The following MBNL1 variants were observed in gnomAD, a reference collection of about 807,000 sequenced individuals.
MBNL1 encodes the protein muscleblind like splicing regulator 1, also known as muscleblind-like protein 1.
In MBNL1, 8 loss-of-function variants were observed where a neutral mutation model predicts 42.2. That is an observed-to-expected ratio of 0.19 (90% confidence interval 0.11 to 0.34). MBNL1 has a LOEUF of 0.34. MBNL1 is among the 10% of genes least tolerant of loss of function. The pLI is 1.00. For synonymous variants in MBNL1, 169 were observed against 173.9 expected (o/e 0.97, Z 0.22); for missense variants, 309 against 495.3 (o/e 0.62, Z 3.57).
At chr3:152,452,544 G>T (rs1308545027) in intron 6 of MBNL1, among the ~76,000 whole-genome samples, 1 of 152,136 alleles carries the variant, frequency 6.6e-6, no homozygotes, top group Non-Finnish European at 1.5e-5. Flanking sequence ...CTTAAGACAG[G>T]TACTCCAGGG....
chr3:152,278,156 C>T (rs2046370644), intron 1 of MBNL1, among the ~76,000 whole-genome samples: 1 of 151,978 alleles, frequency 6.6e-6, no homozygotes, highest in Non-Finnish European at 1.5e-5. Flanking sequence ...TCTTTGCCTT[C>T]TTTATTATTC....
intron 2 of MBNL1, among the ~76,000 whole-genome samples, chr3:152,333,108 A>G (rs745704859): frequency 9.9e-5 from 15 of 152,156 alleles, no homozygotes; most frequent in Non-Finnish European, 2.1e-4. Context: ...CATGTAACTA[A>G]ATTAATTTGC....
intron 2 of MBNL1, among the ~76,000 whole-genome samples, chr3:152,389,098 T>A (rs1226591437): frequency 6.6e-6 from 1 of 152,144 alleles, no homozygotes; most frequent in African/African-American, 2.4e-5. Context: ...TGCATCTCTT[T>A]TTTTTTTGAG....
At chr3:152,318,419 GATT>G (rs1268280092) in intron 2 of MBNL1, among the ~76,000 whole-genome samples, 1 of 152,088 alleles carries the variant, frequency 6.6e-6, no homozygotes, top group East Asian at 1.9e-4. Flanking sequence ...GAATTTTGGA[GATT>G]ATATTTATTG....
intron 1 of MBNL1, among the ~76,000 whole-genome samples, chr3:152,292,105 G>T (rs2056326085): frequency 6.6e-6 from 1 of 152,180 alleles, no homozygotes; most frequent in South Asian, 2.1e-4. Context: ...CTTCTAAGAA[G>T]ATAACTTTGC....
intron 2 of MBNL1, among the ~76,000 whole-genome samples, chr3:152,394,875 C>A (rs773342989): frequency 1.3e-5 from 2 of 151,894 alleles, no homozygotes; most frequent in Non-Finnish European, 2.9e-5. Context: ...CTTTTTTTGT[C>A]CCGAGAGGGA....
At position 152,447,492 on chromosome 3, in the gene MBNL1, C is replaced by T. The variant is rs141697565; in HGVS notation, c.808-128C>T. 2.4e-3 allele frequency: 1,028 copies of T among 435,032 alleles called. 11 individuals are homozygous for T. Among genetic ancestry groups the T allele is most frequent in the African/African-American group, 0.02 (951 of 48,062 alleles). 26.9% of individuals were successfully genotyped at this position (435,032 alleles called of 1,614,324 possible). On this transcript the variant is annotated intron_variant, in intron 5 of 9. Transcript: ENST00000324210. ...ATTTTTTGTTCATTGGATTTTTTCC[C>T]TCGGGTAGTTAAGTGCTCTGCTGCT...
At chr3:152,245,212 T>A (rs1413758904) in intron 2 of MBNL1, among the ~76,000 whole-genome samples, 1 of 152,138 alleles carries the variant, frequency 6.6e-6, no homozygotes, top group Non-Finnish European at 1.5e-5. Flanking sequence ...AAACTTTTAT[T>A]CAAATTTGCA....
At chr3:152,325,022 T>C (rs1334769461) in intron 2 of MBNL1, among the ~76,000 whole-genome samples, 1 of 134,482 alleles carries the variant, frequency 7.4e-6, no homozygotes, top group Non-Finnish European at 1.5e-5. Flanking sequence ...CCACATCAAG[T>C]TATTAGCCAC....
chr3:152,342,266 C>A (rs1022940677), intron 2 of MBNL1, among the ~76,000 whole-genome samples: 6 of 152,098 alleles, frequency 3.9e-5, no homozygotes, highest in African/African-American at 1.4e-4. Context: ...CACCTCCTTC[C>A]AACTCAATTT....
intron 1 of MBNL1, among the ~76,000 whole-genome samples, chr3:152,279,034 G>A (rs1449729049): frequency 6.6e-6 from 1 of 152,098 alleles, no homozygotes; most frequent in African/African-American, 2.4e-5. Context: ...TGGGGAAGAG[G>A]GGGCATCTGT....
chr3:152,357,002 C>T (rs536111719), intron 2 of MBNL1, among the ~76,000 whole-genome samples: 149 of 152,028 alleles, frequency 9.8e-4, no homozygotes, highest in African/African-American at 3.5e-3. Flanking sequence ...AATGAGTAGA[C>T]CTGATTTTAA....
intron 2 of MBNL1, among the ~76,000 whole-genome samples, chr3:152,412,539 T>G (rs148431729): frequency 8.5e-5 from 13 of 152,290 alleles, no homozygotes; most frequent in African/African-American, 3.1e-4. Flanking sequence ...AAAGGTACCA[T>G]AGATAAAAAA....
chr3:152,319,408 T>C (rs1400832057), intron 2 of MBNL1, among the ~76,000 whole-genome samples: 2 of 152,034 alleles, frequency 1.3e-5, no homozygotes, highest in Non-Finnish European at 2.9e-5. Context: ...TTTAATCATA[T>C]CCATAAAGAT....
chr3:152,349,484 T>C (rs899342335), intron 2 of MBNL1, among the ~76,000 whole-genome samples: 1 of 152,160 alleles, frequency 6.6e-6, no homozygotes, highest in African/African-American at 2.4e-5. Flanking sequence ...AAACTGACTT[T>C]GAACAGATTA....
chr3:152,289,485 A>G lies in MBNL1; in HGVS notation c.-789-9920A>G, dbSNP rs951213223. ...AATGCATGTCTTTGTTTTGTGGCGTATCTTAGTCTTTTAAACCAGGGAAAA... is the reference window on the plus strand; with the variant it reads ...AATGCATGTCTTTGTTTTGTGGCGTGTCTTAGTCTTTTAAACCAGGGAAAA... On this transcript the variant is annotated intron_variant, in intron 1 of 9. Transcript: ENST00000324210. Among the ~76,000 whole-genome samples, 23 of 152,078 alleles carry G rather than the reference A, an allele frequency of 1.5e-4. 1 individual carries two copies. Among genetic ancestry groups the G allele is most frequent in the Admixed American group, 1.3e-3 (20 of 15,270 alleles).
chr3:152,317,678 C>G (rs1281794768), intron 2 of MBNL1, among the ~76,000 whole-genome samples: 3 of 152,006 alleles, frequency 2.0e-5, no homozygotes, highest in African/African-American at 7.2e-5. Flanking sequence ...CCAAGTAAGT[C>G]TAATATCTTC....
chr3:152,388,251 A>C (rs759260942), intron 2 of MBNL1, among the ~76,000 whole-genome samples: 11 of 152,128 alleles, frequency 7.2e-5, no homozygotes, highest in Non-Finnish European at 1.2e-4. Context: ...CCTCTTCAAG[A>C]TATCTTTGTT....
chr3:152,358,755 A>G (rs1158291192), intron 2 of MBNL1, among the ~76,000 whole-genome samples: 2 of 151,512 alleles, frequency 1.3e-5, no homozygotes, highest in Non-Finnish European at 2.9e-5. Flanking sequence ...TGTTGTGGAC[A>G]TTATTATTAT....
Sources: allele counts gnomAD v4.1 joint callset (sites outside exome capture counted in the v4.1 genomes callset), GRCh38; gene constraint gnomAD v4.1.1; transcripts MANE v1.5; gene names NCBI Gene and HGNC (gene_info 2026-07-23, HGNC 2026-07-21).